NCAN: variants seen among roughly 807,000 people sequenced by gnomAD.
NCAN encodes the protein neurocan.
A neutral mutation model predicts 121.8 loss-of-function variants in NCAN; 47 were observed. The observed-to-expected ratio is 0.39, with a 90% CI of 0.31 to 0.49. NCAN has a LOEUF of 0.49. Among genes scored for constraint, NCAN ranks in the 20% least tolerant of loss-of-function variants. The probability of loss-of-function intolerance (pLI) is 0.92; values close to 1 mark genes in which losing one functional copy is unlikely to be tolerated. For synonymous variants in NCAN, 633 were observed against 702.0 expected (o/e 0.90, Z 1.55); for missense variants, 1,517 against 1,773.4 (o/e 0.86, Z 2.60).
At chr19:19,231,621 C>T (rs2060860371) in intron 8 of NCAN, among the ~76,000 whole-genome samples, 2 of 152,132 alleles carry the variant, frequency 1.3e-5, no homozygotes, top group Non-Finnish European at 2.9e-5. Context: ...AGCCACCGCA[C>T]CTGGCCGGAA....
chr19:19,220,914 C>T (rs1394206761), intron 3 of NCAN, among the ~76,000 whole-genome samples: 1 of 149,836 alleles, frequency 6.7e-6, no homozygotes, highest in East Asian at 2.0e-4. Context: ...ATTAGAAAAA[C>T]AAAAACAAAC....
chr19:19,228,480 G>A lies in NCAN; in HGVS notation c.2860G>A (p.Asp954Asn). ...VSSGEPTVPW[D>N]PSSTLLPVTL... is the part of the protein sequence containing the mutation. ...CTCAGGGGAGCCTACGGTACCGTGGGACCCCTCCAGCACCCTGCTGCCTGT... is the reference window on the plus strand; with the variant it reads ...CTCAGGGGAGCCTACGGTACCGTGGAACCCCTCCAGCACCCTGCTGCCTGT... Residue 954 changes from aspartate to asparagine, a missense_variant, in exon 8 of 15, where the codon GAC (aspartate) becomes AAC (asparagine). Asp to Asn is a conservative substitution (Grantham distance 23, BLOSUM62 1). Transcript: ENST00000252575. 2 of 1,613,572 alleles carry A rather than the reference G, an allele frequency of 1.2e-6. No homozygotes were observed. The highest frequency in any genetic ancestry group is 1.7e-6 in the Non-Finnish European group (2 of 1,180,028).
At position 19,228,072 on chromosome 19, in the gene NCAN, G is replaced by A; in HGVS notation, c.2452G>A (p.Val818Ile). The A allele has an allele frequency of 6.2e-7, 1 of 1,613,566 alleles. No homozygotes were observed. Among genetic ancestry groups the A allele is most frequent in the South Asian group, 1.1e-5 (1 of 91,084 alleles). ...PKVTPNLEPW[V>I]ATDEGPTVNP... Reference sequence around the variant, plus strand: ...AGTCACCCCAAATTTGGAGCCTTGGGTTGCTACAGATGAAGGACCCACTGT... The same window carrying A: ...AGTCACCCCAAATTTGGAGCCTTGGATTGCTACAGATGAAGGACCCACTGT... Residue 818 changes from valine to isoleucine, a missense_variant, in exon 8 of 15, where the codon GTT becomes ATT. By Grantham distance (29) the Val-to-Ile change is conservative (BLOSUM62 3). Coordinates refer to ENST00000252575, the MANE Select transcript of NCAN (RefSeq NM_004386.3).
At chr19:19,230,159 C>T (rs1259028006) in intron 8 of NCAN, among the ~76,000 whole-genome samples, 1 of 151,878 alleles carries the variant, frequency 6.6e-6, no homozygotes, top group Non-Finnish European at 1.5e-5. Flanking sequence ...ATTCTCCTGC[C>T]TCAACCTTCT....
At chr19:19,223,045 C>T (rs1299957465) in intron 3 of NCAN, among the ~76,000 whole-genome samples, 1 of 152,012 alleles carries the variant, frequency 6.6e-6, no homozygotes, top group Non-Finnish European at 1.5e-5. Flanking sequence ...GGAGGCGGAG[C>T]TTGCAGTGAG....
At position 19,249,933 on chromosome 19, in the gene NCAN, C is replaced by T; in HGVS notation, c.*22C>T. The T allele has an allele frequency of 1.2e-6, 2 of 1,603,248 alleles. No homozygotes were observed. Among genetic ancestry groups the T allele is most frequent in the African/African-American group, 1.3e-5 (1 of 74,698 alleles). Reference sequence around the variant, plus strand: ...CTGAAGAACCAGAAAAAAGAAAGCACAACACCTTTCCCATGCCTCCTCTGG... The same window carrying T: ...CTGAAGAACCAGAAAAAAGAAAGCATAACACCTTTCCCATGCCTCCTCTGG... On this transcript the variant is annotated 3_prime_UTR_variant, in exon 15 of 15. Transcript: ENST00000252575.
At position 19,227,165 on chromosome 19, in the gene NCAN, G is replaced by A; in HGVS notation, c.1660+92G>A. ...GGCTACACTCAGAATGAGGGAGGAAGCTCCAAATCCCAGCTGGGTCCTCTG... is the reference window on the plus strand; with the variant it reads ...GGCTACACTCAGAATGAGGGAGGAAACTCCAAATCCCAGCTGGGTCCTCTG... On this transcript the variant is annotated intron_variant, in intron 7 of 14. Coordinates refer to ENST00000252575, the MANE Select transcript of NCAN (RefSeq NM_004386.3). The surrounding 1 kb of genome is among the most constrained non-coding windows in gnomAD (Gnocchi z 4.2). The A allele has an allele frequency of 1.3e-6, 2 of 1,490,190 alleles. No homozygotes were observed. 92.3% of individuals were successfully genotyped at this position (1,490,190 alleles called of 1,614,324 possible).
chr19:19,228,127 C>G lies in NCAN; in HGVS notation c.2507C>G (p.Ala836Gly). 6.2e-7 allele frequency: 1 copy of G among 1,613,680 alleles called. No homozygotes were observed. The highest frequency in any genetic ancestry group is 8.5e-7 in the Non-Finnish European group (1 of 1,180,016). Reference sequence around the variant, plus strand: ...CCCATGGATTCCACAGTCACGCCGGCCCCCAGTGATGCTAGTGGAATTTGG... The same window carrying G: ...CCCATGGATTCCACAGTCACGCCGGGCCCCAGTGATGCTAGTGGAATTTGG... ...VNPMDSTVTP[A>G]PSDASGIWEP... Residue 836 changes from alanine (A) to glycine (G), a missense_variant, in exon 8 of 15, where the codon GCC (alanine) becomes GGC (glycine). By Grantham distance (60) the Ala-to-Gly change is moderately conservative. Transcript: ENST00000252575.
In NCAN at chr19:19,227,124, G is replaced by A; in HGVS notation, c.1660+51G>A. 1.6e-5 allele frequency: 24 copies of A among 1,497,424 alleles called. No homozygotes were observed. The highest frequency in any genetic ancestry group is 2.1e-5 in the Non-Finnish European group (24 of 1,125,350). 92.8% of individuals were successfully genotyped at this position (1,497,424 alleles called of 1,614,324 possible). A position where few individuals can be genotyped will look rare whatever the true frequency, so the allele number is the denominator to read the frequency against. On this transcript the variant is annotated intron_variant, in intron 7 of 14. Transcript: ENST00000252575. The surrounding 1 kb of genome is among the most constrained non-coding windows in gnomAD (Gnocchi z 4.2). ...CCTACCTGGGGATCTGGAGGTGAGGGTAGAGAGGTAGCCATGGCTACACTC... is the reference window on the plus strand; with the variant it reads ...CCTACCTGGGGATCTGGAGGTGAGGATAGAGAGGTAGCCATGGCTACACTC...
At chr19:19,248,010 C>T (rs4808932) in intron 13 of NCAN, among the ~76,000 whole-genome samples, 35,740 of 151,836 alleles carry the variant, frequency 0.24, 5,512 homozygotes, top group African/African-American at 0.44. Context: ...TAGCTAGGCT[C>T]GGTGGTGCGC....
In NCAN at chr19:19,219,439, A is replaced by G. The variant is rs550045007; in HGVS notation, c.475+123A>G. ...ACCTGGCCTGGTGTCTCATGCCTGT[A>G]ATCCCAGCACTTTGGCAGGCCAAGG... On this transcript the variant is annotated intron_variant, in intron 3 of 14. Coordinates refer to ENST00000252575, the MANE Select transcript of NCAN (RefSeq NM_004386.3). The G allele has an allele frequency of 2.6e-5, 29 of 1,098,674 alleles. No homozygotes were observed. The African/African-American group carries it at 4.6e-4, about 18-fold the overall frequency. The allele number at this position is 1,098,674 out of a possible 1,614,324, so 68.1% of individuals were successfully genotyped here.
In NCAN at chr19:19,224,449, G is replaced by A. The variant is rs759190550; in HGVS notation, c.778+16G>A. 4 of 1,610,138 alleles carry A rather than the reference G, an allele frequency of 2.5e-6. No homozygotes were observed. Among genetic ancestry groups the A allele is most frequent in the Non-Finnish European group, 3.4e-6 (4 of 1,177,834 alleles). Reference sequence around the variant, plus strand: ...GAGCTGGGGGGTAAGTCTGGGACTGGCAGGACCCGGCCCCTCCGCCTCTCT... The same window carrying A: ...GAGCTGGGGGGTAAGTCTGGGACTGACAGGACCCGGCCCCTCCGCCTCTCT... On this transcript the variant is annotated intron_variant, in intron 5 of 14. Transcript: ENST00000252575.
At chr19:19,237,363 C>T (rs992573794) in intron 10 of NCAN, among the ~76,000 whole-genome samples, 2 of 151,986 alleles carry the variant, frequency 1.3e-5, no homozygotes, top group African/African-American at 4.8e-5. Flanking sequence ...GCGACACGTG[C>T]CTGTAATCCC....
chr19:19,249,262 G>C (rs945510694), intron 14 of NCAN, among the ~76,000 whole-genome samples: 43 of 152,044 alleles, frequency 2.8e-4, no homozygotes, highest in African/African-American at 1.0e-3. Flanking sequence ...GTAGAGACAG[G>C]GTTTCACTAT....
At chr19:19,217,803 A>G (rs1252372283) in intron 2 of NCAN, among the ~76,000 whole-genome samples, 3 of 152,140 alleles carry the variant, frequency 2.0e-5, no homozygotes, top group Non-Finnish European at 2.9e-5. Flanking sequence ...CCTGCCTAAC[A>G]TGGTGAAACT....
chr19:19,218,026 C>A (rs1599807319), intron 2 of NCAN, among the ~76,000 whole-genome samples: 1 of 151,704 alleles, frequency 6.6e-6, no homozygotes, highest in Non-Finnish European at 1.5e-5. Flanking sequence ...CCCCTATAAT[C>A]CCAGAACTGT....
At position 19,226,871 on chromosome 19, in the gene NCAN, G is replaced by T. The variant is rs2060839224; in HGVS notation, c.1458G>T (p.Leu486Phe). The T allele has an allele frequency of 3.1e-6, 5 of 1,612,532 alleles. No individual in the cohort carries two copies. The South Asian group carries it at 5.5e-5, about 18-fold the overall frequency. The part of the protein sequence containing the change: ...MPRRRGRFKG[L>F]NGRYFQQQEP... ...GGAGAAGGGGGCGCTTCAAAGGGTT[G>T]AATGGGCGCTACTTCCAGCAGCAGG... The change falls in exon 7 of 15, where the codon TTG (leucine) becomes TTT (phenylalanine). Residue 486 changes from leucine to phenylalanine, a missense_variant. Leu to Phe is a conservative substitution (Grantham distance 22, BLOSUM62 0). Coordinates refer to ENST00000252575, the MANE Select transcript of NCAN (RefSeq NM_004386.3).
In NCAN at chr19:19,249,957, G is replaced by A; in HGVS notation, c.*46G>A. The A allele has an allele frequency of 6.4e-7, 1 of 1,571,260 alleles. No individual in the cohort carries two copies. The highest frequency in any genetic ancestry group is 2.4e-5 in the East Asian group (1 of 42,414). Reference sequence around the variant, plus strand: ...ACAACACCTTTCCCATGCCTCCTCTGGAGCCTTCGCCTGGGGAGACAGAAC... The same window carrying A: ...ACAACACCTTTCCCATGCCTCCTCTAGAGCCTTCGCCTGGGGAGACAGAAC... On this transcript the variant is annotated 3_prime_UTR_variant, in exon 15 of 15. Coordinates refer to ENST00000252575, the MANE Select transcript of NCAN (RefSeq NM_004386.3).
chr19:19,217,588 T>C (rs147964905), intron 2 of NCAN, among the ~76,000 whole-genome samples: 295 of 152,326 alleles, frequency 1.9e-3, no homozygotes, highest in African/African-American at 6.5e-3. Flanking sequence ...TTAGCTGTCT[T>C]TTGCTTTACC....
Sources: gnomAD v4.1 joint callset for allele counts (sites outside exome capture counted in the v4.1 genomes callset) on GRCh38, gnomAD v4.1.1 for gene constraint, Gnocchi (gnomAD v3.1) non-coding constraint, MANE v1.5 for transcripts, NCBI Gene and HGNC (gene_info 2026-07-23, HGNC 2026-07-21) for gene names.